The following SHPRH variants were observed in gnomAD, a reference collection of about 807,000 sequenced individuals.
SHPRH encodes SNF2 histone linker PHD RING helicase, also known as E3 ubiquitin-protein ligase SHPRH.
A neutral mutation model predicts 202.5 loss-of-function variants in SHPRH; 106 were observed. That is an observed-to-expected ratio of 0.52 (90% CI 0.45 to 0.62). SHPRH has a LOEUF of 0.62. Ranked by LOEUF, SHPRH falls within the 20% of genes least tolerant of loss-of-function variation. The probability of loss-of-function intolerance (pLI) is 0.00; values close to 1 mark genes in which losing one functional copy is unlikely to be tolerated. For missense variants in SHPRH, 1,710 were observed against 2,020.0 expected (o/e 0.85, Z 2.94); for synonymous variants, 729 against 686.0 (o/e 1.06, Z -0.98).
At chr6:145,881,680 G>C (rs1780579990), downstream of SHPRH, 1 of 152,022 alleles carries the variant, frequency 6.6e-6, no homozygotes. Flanking sequence ...AGGAATGCTT[G>C]GTCTGATAAG....
the SHPRH span, among the ~76,000 whole-genome samples, chr6:145,859,127 T>C: frequency 6.6e-6 from 1 of 152,090 alleles, no homozygotes; most frequent in African/African-American, 2.4e-5. Context: ...GAGATCTTTG[T>C]ATGTACATGT....
chr6:145,901,485 G>A (rs956999975), intron 25 of SHPRH, among the ~76,000 whole-genome samples: 1 of 152,068 alleles, frequency 6.6e-6, no homozygotes, highest in African/African-American at 2.4e-5. Flanking sequence ...AAGGCTGCTT[G>A]CAAAAAAGCA....
chr6:145,919,245 C>T, intron 22 of SHPRH, 103 bp downstream of exon 22: 1 of 1,462,674 alleles, frequency 6.8e-7, no homozygotes, highest in South Asian at 1.3e-5. Context: ...TAAATACACA[C>T]TTACAGTAGA....
At chr6:145,925,445 T>G (rs1296272532) in intron 16 of SHPRH, among the ~76,000 whole-genome samples, 1 of 151,616 alleles carries the variant, frequency 6.6e-6, no homozygotes, top group Non-Finnish European at 1.5e-5. Context: ...CATCAAAACA[T>G]CAGTCTCTAC....
At chr6:145,950,018 A>C (rs925154431) in intron 4 of SHPRH, among the ~76,000 whole-genome samples, 1 of 152,128 alleles carries the variant, frequency 6.6e-6, no homozygotes, top group Non-Finnish European at 1.5e-5. Context: ...TAAAAATTCC[A>C]ATTGAGGCAG....
At chr6:145,960,946 A>G (rs975219557) in intron 1 of SHPRH, among the ~76,000 whole-genome samples, 1 of 152,022 alleles carries the variant, frequency 6.6e-6, no homozygotes, top group African/African-American at 2.4e-5. Flanking sequence ...GGTTTTAATA[A>G]GAAGTGCACA....
intron 23 of SHPRH, chr6:145,917,863 T>C: frequency 3.6e-6 from 1 of 280,436 alleles, no homozygotes. Context: ...TTTAATACTT[T>C]TACTATTCAA....
chr6:145,927,307 C>T (rs775284195), intron 14 of SHPRH, 30 bp from the exon 15 acceptor site: 18 of 1,583,340 alleles, frequency 1.1e-5, no homozygotes, highest in Admixed American at 1.7e-5. Context: ...TTAAAGCATA[C>T]GAGAGTCACA....
chr6:145,884,379 G>GT, downstream of SHPRH: 1 of 152,132 alleles, frequency 6.6e-6, no homozygotes, highest in Middle Eastern at 3.2e-3. Flanking sequence ...TACATTGTAT[G>GT]TATCTTTTTA....
chr6:145,949,652 A>G (rs1296588059), intron 4 of SHPRH, among the ~76,000 whole-genome samples: 1 of 152,034 alleles, frequency 6.6e-6, no homozygotes. Context: ...TGGGTATACT[A>G]AAAGCCCAGA....
intron 24 of SHPRH, among the ~76,000 whole-genome samples, chr6:145,912,831 C>T (rs1268392957): frequency 6.6e-6 from 1 of 151,744 alleles, no homozygotes; most frequent in Non-Finnish European, 1.5e-5. Flanking sequence ...TTCAAATTTT[C>T]AAGAGCAATG....
intron 14 of SHPRH, among the ~76,000 whole-genome samples, chr6:145,929,635 A>C (rs1007430416): frequency 6.6e-6 from 1 of 152,062 alleles, no homozygotes; most frequent in Non-Finnish European, 1.5e-5. Flanking sequence ...ATTCAGAAGG[A>C]ACATATCCTC....
intron 28 of SHPRH, among the ~76,000 whole-genome samples, chr6:145,892,613 C>T (rs550943501): frequency 6.6e-6 from 1 of 151,878 alleles, no homozygotes; most frequent in South Asian, 2.1e-4. Flanking sequence ...GAAGGTAATA[C>T]ATTTAGCAGG....
intron 28 of SHPRH, among the ~76,000 whole-genome samples, chr6:145,892,145 T>C (rs140051327): frequency 5.3e-5 from 8 of 152,238 alleles, no homozygotes; most frequent in African/African-American, 7.2e-5. Flanking sequence ...CTGCCGATGA[T>C]CTCTTTCTCA....
At chr6:145,895,010 CT>C in intron 25 of SHPRH, 33 bp from the exon 26 acceptor site, 1 of 1,582,386 alleles carries the variant, frequency 6.3e-7, no homozygotes, top group Non-Finnish European at 8.7e-7. Flanking sequence ...CACATTACTA[CT>C]AAAAAATCTA....
rs775638428 is a variant in SHPRH at position 145,943,432 on chromosome 6, C to T, written c.1949G>A (p.Ser650Asn). ...GCGGTAATCAGAGGTGTTAAAGGGA[C>T]TCATGGTATTAGAAGGTGGTACATC... ...DSDVPPSNTM[S>N]PFNTSDYRFE... Residue 650 changes from serine to asparagine, a missense_variant, in exon 9 of 30, where the codon AGT (serine) becomes AAT (asparagine). Coordinates refer to ENST00000275233, the MANE Select transcript of SHPRH (RefSeq NM_001042683.3). The T allele has an allele frequency of 2.5e-6, 4 of 1,614,014 alleles. No individual in the cohort carries two copies. Among genetic ancestry groups the T allele is most frequent in the Non-Finnish European group, 3.4e-6 (4 of 1,179,956 alleles).
At chr6:145,863,692 G>A (rs1311364392), downstream of SHPRH, among the ~76,000 whole-genome samples, 2 of 152,158 alleles carry the variant, frequency 1.3e-5, no homozygotes, top group Non-Finnish European at 2.9e-5. Flanking sequence ...GCCTCTTTAG[G>A]AGTTCAGGAC....
Position 145,950,366 on chromosome 6 carries a change from C to T in SHPRH, c.880G>A (p.Asp294Asn). 1 of 1,613,310 alleles carries T rather than the reference C, an allele frequency of 6.2e-7. No homozygotes were observed. The highest frequency in any genetic ancestry group is 8.5e-7 in the Non-Finnish European group (1 of 1,179,462). Residue 294 changes from aspartate (D) to asparagine (N), a missense_variant, in exon 4 of 30, where the codon GAT becomes AAT. Asp to Asn is a conservative substitution (Grantham distance 23). Around this residue, in one of 8 missense-constraint regions of SHPRH, gnomAD observed 459 missense variants for 426.5 expected, o/e 1.08. Coordinates refer to ENST00000275233, the MANE Select transcript of SHPRH (RefSeq NM_001042683.3). ...GGGATCAATGCAGGATGCTGGACAT[C>T]CACTTGGATGGACTGCGTTTCTTGC... The part of the protein sequence containing the change: ...HQQETQSIQV[D>N]VQHPALIPVL...
chr6:145,943,156 G>A lies in SHPRH; in HGVS notation c.2225C>T (p.Ser742Phe). The change falls in exon 9 of 30, where the codon TCT becomes TTT. Residue 742 changes from serine (S) to phenylalanine (F), a missense_variant. Ser to Phe is a radical substitution (Grantham distance 155, BLOSUM62 -2). Around this residue, in one of 8 missense-constraint regions of SHPRH, gnomAD observed 277 missense variants for 363.0 expected, o/e 0.76. Transcript: ENST00000275233. ...DEINRHVRSS[S>F]LRVLVYQGVK... ...AAGTGGCCTTACCAAGACTCGAAGA[G>A]ATGACGACCTCACATGCCTGTTGAT... 1 of 1,596,872 alleles carries A rather than the reference G, an allele frequency of 6.3e-7. No homozygotes were observed. Among genetic ancestry groups the A allele is most frequent in the Non-Finnish European group, 8.5e-7 (1 of 1,169,936 alleles).
Sources: gnomAD v4.1 joint callset for allele counts (sites outside exome capture counted in the v4.1 genomes callset) on GRCh38, gnomAD v4.1.1 for gene constraint, gnomAD v4.1.1 regional missense constraint, MANE v1.5 for transcripts, NCBI Gene and HGNC (gene_info 2026-07-23, HGNC 2026-07-21) for gene names.